Variants in MEGF6 observed in about 807,000 individuals in gnomAD.
MEGF6 encodes multiple EGF like domains 6.
Under a neutral mutation model 207.1 loss-of-function variants are expected in MEGF6, and 184 were observed. That is an observed-to-expected ratio of 0.89 (90% CI 0.79 to 1.00). The LOEUF is 1.00. MEGF6 is among the 50% of genes least tolerant of loss of function. The pLI, the probability that MEGF6 is intolerant of heterozygous loss-of-function variation, is 0.00. For synonymous variants in MEGF6, 1,038 were observed against 910.0 expected (o/e 1.14, Z -2.53); for missense variants, 2,282 against 2,202.9 (o/e 1.04, Z -0.72).
Position 3,498,443 on chromosome 1 carries a change from C to G in MEGF6, c.3280G>C (p.Gly1094Arg), listed in dbSNP as rs893471274. The G allele has an allele frequency of 6.3e-7, 1 of 1,579,368 alleles. No individual in the cohort carries two copies. Among genetic ancestry groups the G allele is most frequent in the Non-Finnish European group, 8.6e-7 (1 of 1,164,064 alleles). ...CCCGTGTGCGGGTCACACAGGCCCC[C>G]GTTGAGGCAACCGCCGCTGTGCCGG... is the stretch of plus-strand genomic sequence containing the variant. Reference protein sequence around the residue: ...GCRHSGGCLNGGLCDPHTGRC... With the variant: ...GCRHSGGCLNRGLCDPHTGRC... The change falls in exon 26 of 37, where the codon GGG becomes CGG. Residue 1094 changes from glycine to arginine, a missense_variant. Transcript: ENST00000356575.
rs1640498787 is a variant in MEGF6 at position 3,494,148 on chromosome 1, G to A, written c.4130-24C>T. ...GGCTGAAGGACGCCGGTTACCACGA[G>A]ACAAGGGCACACGGTGGCAGAAATG... On this transcript the variant is annotated intron_variant, in intron 32 of 36. Coordinates refer to ENST00000356575, the MANE Select transcript of MEGF6 (RefSeq NM_001409.4). 5.2e-6 allele frequency: 8 copies of A among 1,537,730 alleles called. No homozygotes were observed. The Admixed American group carries it at 5.9e-5, about 11-fold the overall frequency.
intron 1 of MEGF6, among the ~76,000 whole-genome samples, chr1:3,605,929 C>T (rs1313215788): frequency 6.6e-6 from 1 of 152,222 alleles, no homozygotes; most frequent in Non-Finnish European, 1.5e-5. Flanking sequence ...CGGTGGCACC[C>T]CCGTGCTTCC....
chr1:3,588,774 C>G (rs536434847), intron 3 of MEGF6, among the ~76,000 whole-genome samples: 3 of 152,146 alleles, frequency 2.0e-5, no homozygotes, highest in East Asian at 3.9e-4. Context: ...AATCCAGAAT[C>G]CCACCCCTTC....
intron 4 of MEGF6, among the ~76,000 whole-genome samples, chr1:3,532,236 T>C (rs1278135445): frequency 6.6e-6 from 1 of 152,194 alleles, no homozygotes; most frequent in Admixed American, 6.5e-5. Context: ...AACCACAGAT[T>C]AGAGCCTCGT....
chr1:3,494,769 G>A, intron 30 of MEGF6, 28 bp from the exon 31 acceptor site: 1 of 1,538,668 alleles, frequency 6.5e-7, no homozygotes, highest in South Asian at 1.2e-5. Context: ...GTGCTGCCTG[G>A]AGCTCTGGCC....
chr1:3,497,893 C>T (rs982462027), intron 26 of MEGF6, among the ~76,000 whole-genome samples: 1 of 152,168 alleles, frequency 6.6e-6, no homozygotes, highest in Non-Finnish European at 1.5e-5. Flanking sequence ...GGGTGGGAGG[C>T]CGGGGCTTTG....
chr1:3,530,498 AC>A (rs1361963033), intron 4 of MEGF6, among the ~76,000 whole-genome samples: 1 of 152,106 alleles, frequency 6.6e-6, no homozygotes, highest in African/African-American at 2.4e-5. Flanking sequence ...GTTCAAAGCA[AC>A]CACCTGGAGG....
upstream of MEGF6, chr1:3,611,512 C>T: frequency 2.3e-6 from 1 of 444,346 alleles, no homozygotes; most frequent in East Asian, 4.0e-5. Context: ...GCACAGTGCC[C>T]CGGACTCAGA....
chr1:3,609,280 C>T (rs1644294117), intron 1 of MEGF6, among the ~76,000 whole-genome samples: 1 of 152,216 alleles, frequency 6.6e-6, no homozygotes, highest in African/African-American at 2.4e-5. Context: ...ACGGGCCCTG[C>T]ACTCCACAGC....
chr1:3,522,348 C>T lies in MEGF6; in HGVS notation c.604+1776G>A, dbSNP rs1184192294. The stretch of plus-strand genomic sequence containing the variant: ...GTGGAGGCACCGGGAGCCCACCACT[C>T]ACACAGGCGACACCCTGAGGGGGTG... On this transcript the variant is annotated intron_variant, in intron 5 of 36. Transcript: ENST00000356575. Among the ~76,000 whole-genome samples, 2 of 152,166 alleles carry T rather than the reference C, an allele frequency of 1.3e-5. 1 individual carries two copies. The highest frequency in any genetic ancestry group is 2.9e-5 in the Non-Finnish European group (2 of 68,022).
At position 3,535,276 on chromosome 1, in the gene MEGF6, G is replaced by A. The variant is rs369974778; in HGVS notation, c.482-11030C>T. On this transcript the variant is annotated intron_variant, in intron 4 of 36. Coordinates refer to ENST00000356575, the MANE Select transcript of MEGF6 (RefSeq NM_001409.4). ...GCTGTCACAGCGCAGCGAGGCCTTC[G>A]GGAAGCTTCCTGACAACAAGTTCAG... 2.8e-4 allele frequency among the ~76,000 whole-genome samples: 43 copies of A among 152,252 alleles called. 1 individual carries two copies. In the East Asian group the frequency reaches 7.5e-3, roughly 27 times the overall value.
Position 3,560,048 on chromosome 1 carries a change from G to A in MEGF6, c.481+19777C>T, listed in dbSNP as rs1166346758. On this transcript the variant is annotated intron_variant, in intron 4 of 36. Coordinates refer to ENST00000356575, the MANE Select transcript of MEGF6 (RefSeq NM_001409.4). This position sits in a 1 kb window ranked among gnomAD's most constrained non-coding sequence, Gnocchi z 4.0. The stretch of plus-strand genomic sequence containing the variant: ...AAAAAAAAAAAAAAGGAAACACGAT[G>A]AGCCCATCTCCTGGGAGTCGGGAGG... Among the ~76,000 whole-genome samples the A allele has an allele frequency of 1.3e-5, 2 of 148,576 alleles. No homozygotes were observed. Among genetic ancestry groups the A allele is most frequent in the Non-Finnish European group, 3.0e-5 (2 of 67,392 alleles).
In MEGF6 at chr1:3,498,771, G is replaced by A. The variant is rs369211580; in HGVS notation, c.3150C>T (p.Asn1050=). The A allele has an allele frequency of 2.5e-4, 392 of 1,558,042 alleles. 2 individuals are homozygous for A. In the Middle Eastern group the frequency reaches 7.5e-3, roughly 30 times the overall value. ...CTGAGACAGGGTCACAGGTCCCTCC[G>A]TTCTGGCAGAGGCAGGAATGCCGAC... ...DNCRHSCLCQ[N]GGTCDPVSGH... is the part of the protein sequence containing the mutation. The change falls in exon 25 of 37, where the codon AAC becomes AAT. Residue 1050 remains asparagine (N), a synonymous_variant. Transcript: ENST00000356575.
At chr1:3,540,359 G>A (rs931399479) in intron 4 of MEGF6, among the ~76,000 whole-genome samples, 3 of 152,234 alleles carry the variant, frequency 2.0e-5, no homozygotes, top group Non-Finnish European at 4.4e-5. Flanking sequence ...CGGGTTTCCC[G>A]CTGCACTGGG....
At chr1:3,567,573 C>T (rs544009795) in intron 4 of MEGF6, among the ~76,000 whole-genome samples, 9 of 152,348 alleles carry the variant, frequency 5.9e-5, no homozygotes, top group East Asian at 1.9e-4. Context: ...CAGCCAGCAC[C>T]GCGCAGCCCT....
intron 3 of MEGF6, 141 bp from the exon 4 acceptor site, chr1:3,580,070 T>C: frequency 1.7e-6 from 1 of 583,836 alleles, no homozygotes; most frequent in Non-Finnish European, 2.9e-6. Context: ...AGGTCACACA[T>C]TGCCCGGCCA....
At chr1:3,598,837 A>G (rs1337349229) in intron 2 of MEGF6, among the ~76,000 whole-genome samples, 1 of 151,334 alleles carries the variant, frequency 6.6e-6, no homozygotes, top group Non-Finnish European at 1.5e-5. Context: ...CCACCCTCAG[A>G]GCCCCTCCCC....
Position 3,509,244 on chromosome 1 carries a change from G to T in MEGF6, c.1359C>A (p.Pro453=). 6.7e-7 allele frequency: 1 copy of T among 1,485,930 alleles called. No individual in the cohort carries two copies. The highest frequency in any genetic ancestry group is 2.6e-5 in the East Asian group (1 of 37,928). The allele number at this position is 1,485,930 out of a possible 1,614,324, so 92.0% of individuals were successfully genotyped here. A position where few individuals can be genotyped will look rare whatever the true frequency, so the allele number is the denominator to read the frequency against. The change falls in exon 12 of 37, where the codon CCC becomes CCA. Residue 453 remains proline (P), a splice_region_variant and synonymous_variant. Transcript: ENST00000356575. ...CCAGGTCCACCATCGGCTCCTCCAG[G>T]GCTGCCAGGGGCACAGAGGCGCCTT... ...RLHEDRRGCS[P]LEEPMVDLDG...
At chr1:3,502,089 C>CGCCTCCTCACATGGGCTCCTGG (rs1557724682) in intron 17 of MEGF6, among the ~76,000 whole-genome samples, 168 bp from the exon 18 acceptor site, 5 of 52,842 alleles carry the variant, frequency 9.5e-5, no homozygotes, top group African/African-American at 1.3e-4. Flanking sequence ...GTGTGCCCCC[C>CGCCTCCTCACATGGGCTCCTGG]CGCGCCTCCT....
Sources: gnomAD v4.1 joint callset for allele counts (sites outside exome capture counted in the v4.1 genomes callset) on GRCh38, gnomAD v4.1.1 for gene constraint, Gnocchi (gnomAD v3.1) non-coding constraint, MANE v1.5 for transcripts, NCBI Gene and HGNC (gene_info 2026-07-23, HGNC 2026-07-21) for gene names.